The following BLOC1S3 variants were observed in gnomAD, a reference collection of about 807,000 sequenced individuals.
BLOC1S3 encodes biogenesis of lysosome-related organelles complex 1 subunit 3.
Under a neutral mutation model 9.1 loss-of-function variants are expected in BLOC1S3, and 7 were observed. That is an observed-to-expected ratio of 0.77 (90% CI 0.44 to 1.45). The LOEUF (loss-of-function observed/expected upper bound fraction) is 1.45, where lower values mean the gene tolerates loss of function less well. BLOC1S3 is among the 40% of genes most tolerant of loss of function. The pLI, the probability that BLOC1S3 is intolerant of heterozygous loss-of-function variation, is 0.01. For missense variants in BLOC1S3, 307 were observed against 315.2 expected, an observed-to-expected ratio of 0.97 and a Z score of 0.20; for synonymous variants, 145 against 158.4, an observed-to-expected ratio of 0.92 and a Z score of 0.64.
Position 45,195,899 on chromosome 19 carries a change from T to C in BLOC1S3, n.181-6507T>C, listed in dbSNP as rs536433825. Among the ~76,000 whole-genome samples the C allele has an allele frequency of 1.2e-4, 18 of 152,296 alleles. No homozygotes were observed. In the South Asian group the frequency reaches 3.5e-3, roughly 30 times the overall value. On this transcript the variant is annotated intron_variant and non_coding_transcript_variant, in intron 2 of 3. Coordinates refer to the BLOC1S3 transcript ENST00000591569. ...CGTGAGCCACCGTGCCCAGCCTGCC[T>C]TTTTCAAGTAGTCATATGTCTTGGA...
intron 2 of BLOC1S3, among the ~76,000 whole-genome samples, chr19:45,197,090 G>GGC (rs1969654327): frequency 6.6e-6 from 1 of 150,946 alleles, no homozygotes; most frequent in Non-Finnish European, 1.5e-5. Flanking sequence ...GAGTGGAGGG[G>GGC]GCTGAGGGGT....
intron 3 of BLOC1S3, among the ~76,000 whole-genome samples, chr19:45,210,300 T>C (rs1969759087): frequency 7.4e-6 from 1 of 134,528 alleles, no homozygotes; most frequent in South Asian, 2.5e-4. Flanking sequence ...TTTTTTTTTT[T>C]TTTTTTTTTT....
At chr19:45,199,408 C>T (rs1275615332) in intron 2 of BLOC1S3, among the ~76,000 whole-genome samples, 94 of 148,848 alleles carry the variant, frequency 6.3e-4, no homozygotes, top group Non-Finnish European at 1.2e-3. Flanking sequence ...CTCCGCCTCC[C>T]GGGTTCAAGC....
upstream of BLOC1S3, among the ~76,000 whole-genome samples, chr19:45,186,823 C>T (rs368189272): frequency 1.3e-5 from 2 of 152,240 alleles, no homozygotes; most frequent in Non-Finnish European, 2.9e-5. Flanking sequence ...GGGTCCATCT[C>T]GCTGAGCTCA....
In BLOC1S3 at chr19:45,204,314, C is replaced by T. The variant is rs1445623762; in HGVS notation, n.282+1807C>T. ...AAGCGATTCTCCTGCCTCAGCCTCC[C>T]GAGTAGCTGGGATGACAGGCACCCA... On this transcript the variant is annotated intron_variant and non_coding_transcript_variant, in intron 3 of 3. Coordinates refer to the BLOC1S3 transcript ENST00000591569. Among the ~76,000 whole-genome samples, 8 of 151,628 alleles carry T rather than the reference C, an allele frequency of 5.3e-5. No homozygotes were observed. In the East Asian group the frequency reaches 1.4e-3, roughly 26 times the overall value.
downstream of BLOC1S3, among the ~76,000 whole-genome samples, chr19:45,186,736 T>C (rs911244906): frequency 5.9e-5 from 9 of 152,046 alleles, no homozygotes; most frequent in African/African-American, 2.2e-4. Flanking sequence ...GTGCTAGGGT[T>C]ACAGGCATGA....
chr19:45,207,488 C>T (rs930833578), intron 3 of BLOC1S3, among the ~76,000 whole-genome samples: 2 of 143,902 alleles, frequency 1.4e-5, no homozygotes, highest in Non-Finnish European at 3.0e-5. Flanking sequence ...TTTAACTTCT[C>T]GCAGTCTACA....
intron 2 of BLOC1S3, among the ~76,000 whole-genome samples, chr19:45,190,541 AG>A (rs1969596657): frequency 6.6e-6 from 1 of 151,148 alleles, no homozygotes; most frequent in South Asian, 2.1e-4. Context: ...CTGGGACCAC[AG>A]GTGCACACTA....
At chr19:45,195,839 C>T (rs1018982946) in intron 2 of BLOC1S3, among the ~76,000 whole-genome samples, 1 of 152,220 alleles carries the variant, frequency 6.6e-6, no homozygotes, top group Non-Finnish European at 1.5e-5. Context: ...AGGTGATCCA[C>T]CCGCCTTGGC....
chr19:45,213,326 GGATGTC>G (rs747050393), intron 3 of BLOC1S3: 1 of 1,613,742 alleles, frequency 6.2e-7, no homozygotes, highest in South Asian at 1.1e-5. Flanking sequence ...CGCAGGCCAC[GGATGTC>G]GAGGAGGGCT....
intron 2 of BLOC1S3, among the ~76,000 whole-genome samples, chr19:45,198,122 G>T (rs1156991927): frequency 2.0e-5 from 3 of 152,112 alleles, no homozygotes; most frequent in African/African-American, 4.8e-5. Context: ...AGGGCAGAGC[G>T]AGAGCAAATG....
At chr19:45,212,227 G>A (rs1009181644) in intron 3 of BLOC1S3, among the ~76,000 whole-genome samples, 5 of 152,148 alleles carry the variant, frequency 3.3e-5, no homozygotes, top group Admixed American at 1.3e-4. Flanking sequence ...GTCGCTCCCA[G>A]CACATGCAGC....
chr19:45,206,651 G>T (rs1288655884), intron 3 of BLOC1S3, among the ~76,000 whole-genome samples: 1 of 148,056 alleles, frequency 6.8e-6, no homozygotes, highest in African/African-American at 2.5e-5. Context: ...AATAGAGATG[G>T]TGTCTCATGT....
intron 2 of BLOC1S3, among the ~76,000 whole-genome samples, chr19:45,195,076 T>C (rs1969636951): frequency 6.6e-6 from 1 of 151,890 alleles, no homozygotes; most frequent in Non-Finnish European, 1.5e-5. Flanking sequence ...ATTACAGGCA[T>C]GCGCCAGCAC....
At chr19:45,206,220 G>T (rs921862660) in intron 3 of BLOC1S3, among the ~76,000 whole-genome samples, 13 of 151,882 alleles carry the variant, frequency 8.6e-5, no homozygotes, top group Non-Finnish European at 1.9e-4. Flanking sequence ...AGCTGGGCAT[G>T]GTGGCGTATG....
At chr19:45,182,590 G>A (rs1969533677), downstream of BLOC1S3, among the ~76,000 whole-genome samples, 1 of 152,122 alleles carries the variant, frequency 6.6e-6, no homozygotes, top group African/African-American at 2.4e-5. Context: ...CTTGAGCCCA[G>A]GAGGTGGAGG....
intron 3 of BLOC1S3, among the ~76,000 whole-genome samples, chr19:45,204,949 G>T (rs1969716225): frequency 6.6e-6 from 1 of 151,932 alleles, no homozygotes. Flanking sequence ...TGCTAGGCTG[G>T]TCTCAAACTC....
chr19:45,192,126 G>T (rs1969611183), intron 2 of BLOC1S3, among the ~76,000 whole-genome samples: 1 of 152,122 alleles, frequency 6.6e-6, no homozygotes, highest in Admixed American at 6.6e-5. Flanking sequence ...GGCTGAGCTG[G>T]CACACAAGCC....
chr19:45,189,412 A>G (rs1599750850), intron 2 of BLOC1S3, among the ~76,000 whole-genome samples: 1 of 147,102 alleles, frequency 6.8e-6, no homozygotes, highest in East Asian at 2.0e-4. Flanking sequence ...TTATTAAAGG[A>G]CTTGAGGTAG....
Sources: allele counts gnomAD v4.1 joint callset (sites outside exome capture counted in the v4.1 genomes callset), GRCh38; gene constraint gnomAD v4.1.1; transcripts MANE v1.5; gene names NCBI Gene and HGNC (gene_info 2026-07-23, HGNC 2026-07-21).